The following KDM3B variants were observed in gnomAD, a reference collection of about 807,000 sequenced individuals.
KDM3B encodes the protein lysine demethylase 3B.
In KDM3B, 10 loss-of-function variants were observed where a neutral mutation model predicts 170.0. The ratio of observed to expected loss-of-function variants is 0.06; its 90% CI spans 0.04 to 0.10. The LOEUF is 0.10. Ranked by LOEUF, KDM3B falls within the 10% of genes least tolerant of loss-of-function variation. The pLI, the probability that KDM3B is intolerant of heterozygous loss-of-function variation, is 1.00. For synonymous variants in KDM3B, 831 were observed against 834.8 expected, an observed-to-expected ratio of 1.00 and a Z score of 0.08; for missense variants, 1,394 against 2,195.2, an observed-to-expected ratio of 0.64 and a Z score of 7.29.
chr5:138,410,548 GT>G (rs1269100530), intron 11 of KDM3B, among the ~76,000 whole-genome samples: 1 of 152,108 alleles, frequency 6.6e-6, no homozygotes, highest in Non-Finnish European at 1.5e-5. Context: ...GTCTCTCCCC[GT>G]GTGCGGCGAC....
Position 138,419,115 on chromosome 5 carries a change from A to C in KDM3B, c.3598A>C (p.Asn1200His). The C allele has an allele frequency of 6.2e-7, 1 of 1,614,218 alleles. No individual in the cohort carries two copies. Among genetic ancestry groups the C allele is most frequent in the Non-Finnish European group, 8.5e-7 (1 of 1,180,036 alleles). The change falls in exon 14 of 24, where the codon AAT (asparagine) becomes CAT (histidine). Residue 1200 changes from asparagine (N) to histidine (H), a missense_variant. Physicochemically the swap from Asn to His is moderately conservative, Grantham distance 68. This residue lies in a region of KDM3B where 87 missense variants were observed against 83.3 expected (regional missense o/e 1.04). Transcript: ENST00000314358. Reference protein sequence around the residue: ...EPLKTDSSASNSNSELKAIRP... With the variant: ...EPLKTDSSASHSNSELKAIRP... ...TCTGAAAACAGACAGTTCGGCATCAAATAGCAATAGTGAACTGAAAGCCAT... is the reference window on the plus strand; with the variant it reads ...TCTGAAAACAGACAGTTCGGCATCACATAGCAATAGTGAACTGAAAGCCAT...
At chr5:138,430,052 T>C (rs1484035734) in intron 21 of KDM3B, 87 bp downstream of exon 21, 9 of 1,530,278 alleles carry the variant, frequency 5.9e-6, no homozygotes, top group Non-Finnish European at 8.0e-6. Flanking sequence ...TCATGTAGAG[T>C]CCCTTGGCAT....
chr5:138,380,546 ACTAAT>A (rs1265683290), intron 5 of KDM3B, among the ~76,000 whole-genome samples: 1 of 151,962 alleles, frequency 6.6e-6, no homozygotes, highest in Non-Finnish European at 1.5e-5. Flanking sequence ...ATATATCATG[ACTAAT>A]CTAAAATTGA....
At chr5:138,357,387 G>A (rs1402488595) in intron 1 of KDM3B, among the ~76,000 whole-genome samples, 2 of 149,596 alleles carry the variant, frequency 1.3e-5, no homozygotes, top group African/African-American at 4.9e-5. Flanking sequence ...TTTTGAGACA[G>A]GGTCTCACTC....
At chr5:138,434,661 C>G (rs1763629088) in intron 23 of KDM3B, among the ~76,000 whole-genome samples, 1 of 152,030 alleles carries the variant, frequency 6.6e-6, no homozygotes, top group Non-Finnish European at 1.5e-5. Context: ...TTTTCACCAT[C>G]TGAGATATAG....
At chr5:138,408,244 G>A (rs559857167) in intron 11 of KDM3B, among the ~76,000 whole-genome samples, 3 of 152,088 alleles carry the variant, frequency 2.0e-5, no homozygotes, top group Non-Finnish European at 4.4e-5. Flanking sequence ...ATCAGACGCC[G>A]CCGCCTCAAG....
chr5:138,380,394 TTAG>T (rs1762098496), intron 5 of KDM3B, among the ~76,000 whole-genome samples: 1 of 149,908 alleles, frequency 6.7e-6, no homozygotes, highest in Non-Finnish European at 1.5e-5. Context: ...AAGTCACACT[TTAG>T]TAACAAATAA....
At position 138,427,082 on chromosome 5, in the gene KDM3B, G is replaced by A. The variant is rs759928776; in HGVS notation, c.4502+17G>A. 30 of 1,612,080 alleles carry A rather than the reference G, an allele frequency of 1.9e-5. No homozygotes were observed. Among genetic ancestry groups the A allele is most frequent in the African/African-American group, 2.7e-5 (2 of 74,844 alleles). Reference sequence around the variant, plus strand: ...GCCAACCAGGTTAGTGACCTGCAGTGGTGTCATCTTCAGAAGCCATCACAA... The same window carrying A: ...GCCAACCAGGTTAGTGACCTGCAGTAGTGTCATCTTCAGAAGCCATCACAA... On this transcript the variant is annotated intron_variant, in intron 18 of 23. Transcript: ENST00000314358.
chr5:138,361,684 A>G (rs1761613304), intron 1 of KDM3B, among the ~76,000 whole-genome samples: 1 of 152,126 alleles, frequency 6.6e-6, no homozygotes, highest in African/African-American at 2.4e-5. Flanking sequence ...TTTTCTTTTA[A>G]TGCTGTCATC....
Position 138,386,507 on chromosome 5 carries a change from T to A in KDM3B, c.1266T>A (p.Ala422=). 6 of 1,614,164 alleles carry A rather than the reference T, an allele frequency of 3.7e-6. No individual in the cohort carries two copies. Among genetic ancestry groups the A allele is most frequent in the Non-Finnish European group, 5.1e-6 (6 of 1,180,024 alleles). Residue 422 remains alanine, a synonymous_variant, in exon 7 of 24, where the codon GCT becomes GCA. Transcript: ENST00000314358. ...QVGQGIVASA[A]VVTTASSTPN... Reference sequence around the variant, plus strand: ...GCCAGGGCATAGTGGCTTCCGCAGCTGTGGTCACTACCGCCAGCTCCACCC... The same window carrying A: ...GCCAGGGCATAGTGGCTTCCGCAGCAGTGGTCACTACCGCCAGCTCCACCC...
chr5:138,399,727 A>G, intron 10 of KDM3B, 133 bp from the exon 11 acceptor site: 1 of 701,870 alleles, frequency 1.4e-6, no homozygotes, highest in Non-Finnish European at 2.3e-6. Context: ...TCCTACAATT[A>G]TAGAAACACA....
intron 5 of KDM3B, 50 bp downstream of exon 5, chr5:138,379,758 G>A: frequency 6.5e-7 from 1 of 1,538,478 alleles, no homozygotes; most frequent in Non-Finnish European, 8.8e-7. Context: ...CCTTAAAGAG[G>A]ATGGTTTAGA....
intron 1 of KDM3B, among the ~76,000 whole-genome samples, chr5:138,365,913 G>A (rs1761733385): frequency 6.6e-6 from 1 of 152,176 alleles, no homozygotes; most frequent in East Asian, 1.9e-4. Flanking sequence ...GCACAGAATC[G>A]TTTGAACCCG....
intron 1 of KDM3B, among the ~76,000 whole-genome samples, chr5:138,353,276 C>A (rs920437750): frequency 6.6e-5 from 10 of 152,234 alleles, no homozygotes; most frequent in African/African-American, 2.4e-4. Flanking sequence ...GGCGTTCCCC[C>A]CAACACGCCT....
At chr5:138,416,557 A>G (rs1312396338) in intron 12 of KDM3B, among the ~76,000 whole-genome samples, 3 of 147,594 alleles carry the variant, frequency 2.0e-5, no homozygotes, top group Non-Finnish European at 4.5e-5. Context: ...CCACTGCACT[A>G]CAGCCTAGGC....
At chr5:138,387,196 T>A (rs1465631248) in intron 7 of KDM3B, among the ~76,000 whole-genome samples, 6 of 152,224 alleles carry the variant, frequency 3.9e-5, no homozygotes, top group Admixed American at 3.3e-4. Flanking sequence ...TTTCCTTTGT[T>A]CTTTATCTGA....
In KDM3B at chr5:138,372,772, A is replaced by G; in HGVS notation, c.291A>G (p.Val97=). ...TGCTTCTGCTGGAAGGGTCTCTTGT[A>G]TGGGCGCCCCGTGAGGACCCAGTCC... ...VIVLLLEGSL[V]WAPREDPVLL... is the part of the protein sequence containing the mutation. The change falls in exon 2 of 24, where the codon GTA becomes GTG. Residue 97 remains valine (V), a synonymous_variant. Coordinates refer to ENST00000314358, the MANE Select transcript of KDM3B (RefSeq NM_016604.4). 2 of 1,614,086 alleles carry G rather than the reference A, an allele frequency of 1.2e-6. No homozygotes were observed. Among genetic ancestry groups the G allele is most frequent in the Non-Finnish European group, 1.7e-6 (2 of 1,180,016 alleles).
intron 11 of KDM3B, among the ~76,000 whole-genome samples, chr5:138,407,084 C>G (rs1232863483): frequency 2.7e-5 from 4 of 149,110 alleles, no homozygotes. Context: ...CTCCCGGGTT[C>G]AAGCGATTCT....
At chr5:138,422,494 G>A (rs887716014) in intron 15 of KDM3B, among the ~76,000 whole-genome samples, 1 of 152,002 alleles carries the variant, frequency 6.6e-6, no homozygotes, top group African/African-American at 2.4e-5. Context: ...ACAAAAATTA[G>A]CCAGGCATGA....
Sources: allele counts gnomAD v4.1 joint callset (sites outside exome capture counted in the v4.1 genomes callset), GRCh38; gene constraint gnomAD v4.1.1; regional missense constraint gnomAD v4.1.1; transcripts MANE v1.5; gene names NCBI Gene and HGNC (gene_info 2026-07-23, HGNC 2026-07-21).